Variants in SGCZ observed in about 807,000 individuals in gnomAD.
The protein encoded by SGCZ is zeta-sarcoglycan.
SGCZ carries 40 observed loss-of-function variants against 41.3 expected under a neutral mutation model. That is an observed-to-expected ratio of 0.97 (90% CI 0.75 to 1.26). The LOEUF (loss-of-function observed/expected upper bound fraction) is 1.26, where lower values mean the gene tolerates loss of function less well. Ranked by LOEUF, SGCZ falls within the 50% of genes most tolerant of loss-of-function variation. SGCZ has a pLI of 0.00. For synonymous variants in SGCZ, 206 were observed against 137.5 expected (o/e 1.50, Z -3.49); for missense variants, 552 against 369.8 (o/e 1.49, Z -4.04).
intron 1 of SGCZ, among the ~76,000 whole-genome samples, chr8:14,911,197 A>G (rs1799272037): frequency 6.6e-6 from 1 of 152,024 alleles, no homozygotes; most frequent in Admixed American, 6.6e-5. Context: ...GCTGTAATTC[A>G]AATTGTCAAA....
At chr8:14,625,009 G>A (rs2117380822) in intron 1 of SGCZ, among the ~76,000 whole-genome samples, 1 of 152,090 alleles carries the variant, frequency 6.6e-6, no homozygotes, top group East Asian at 1.9e-4. Flanking sequence ...ATAATCTTCT[G>A]TTAGTCATTT....
At chr8:14,385,928 T>C (rs1004943308) in intron 2 of SGCZ, among the ~76,000 whole-genome samples, 2 of 152,170 alleles carry the variant, frequency 1.3e-5, no homozygotes, top group African/African-American at 2.4e-5. Flanking sequence ...CCTACACATA[T>C]CCTCTCCTAT....
intron 1 of SGCZ, among the ~76,000 whole-genome samples, chr8:14,608,254 T>C (rs1409587499): frequency 1.8e-5 from 2 of 111,072 alleles, no homozygotes; most frequent in Admixed American, 9.5e-5. Flanking sequence ...AGTGCTTTAT[T>C]TGAGGCTTTT....
chr8:14,794,552 A>G lies in SGCZ; in HGVS notation c.40-239626T>C, dbSNP rs80219075. Among the ~76,000 whole-genome samples, 77 of 152,318 alleles carry G rather than the reference A, an allele frequency of 5.1e-4. No individual in the cohort carries two copies. In the East Asian group the frequency reaches 0.014, roughly 27 times the overall value. On this transcript the variant is annotated intron_variant, in intron 1 of 7. Coordinates refer to ENST00000382080, the MANE Select transcript of SGCZ (RefSeq NM_139167.4). Reference sequence around the variant, plus strand: ...AATATATGAGAAAAGACTGTACAAAATAAGAGAACCAGCTCAGGAAGTGCA... The same window carrying G: ...AATATATGAGAAAAGACTGTACAAAGTAAGAGAACCAGCTCAGGAAGTGCA...
chr8:14,776,430 TA>T (rs1361225931), intron 1 of SGCZ, among the ~76,000 whole-genome samples: 1 of 152,158 alleles, frequency 6.6e-6, no homozygotes, highest in Admixed American at 6.5e-5. Context: ...CTGAGTCCAT[TA>T]AACCTGTTTC....
At chr8:14,238,989 AT>A (rs1806870018) in intron 3 of SGCZ, among the ~76,000 whole-genome samples, 1 of 151,794 alleles carries the variant, frequency 6.6e-6, no homozygotes, top group Non-Finnish European at 1.5e-5. Context: ...AAAAATTCAT[AT>A]AAAATTTTTA....
intron 4 of SGCZ, among the ~76,000 whole-genome samples, chr8:14,188,925 G>A (rs1254575070): frequency 6.7e-6 from 1 of 149,174 alleles, no homozygotes; most frequent in African/African-American, 2.5e-5. Flanking sequence ...TCCATCACCC[G>A]GGTTCGAGCA....
At chr8:15,082,879 C>G (rs757263794) in intron 1 of SGCZ, among the ~76,000 whole-genome samples, 25 of 152,246 alleles carry the variant, frequency 1.6e-4, no homozygotes, top group Middle Eastern at 3.4e-3. Flanking sequence ...ACTTCGAAGA[C>G]TGTTTACGTA....
intron 5 of SGCZ, among the ~76,000 whole-genome samples, chr8:14,123,871 T>G (rs1802773480): frequency 6.6e-6 from 1 of 152,120 alleles, no homozygotes; most frequent in African/African-American, 2.4e-5. Context: ...AGGATTATCC[T>G]GCATTATCTA....
chr8:14,847,202 C>T (rs1013021516), intron 1 of SGCZ, among the ~76,000 whole-genome samples: 2 of 143,566 alleles, frequency 1.4e-5, no homozygotes, highest in African/African-American at 5.1e-5. Flanking sequence ...AATACCAATT[C>T]TACAAAAACT....
intron 3 of SGCZ, among the ~76,000 whole-genome samples, chr8:14,322,438 A>G (rs1024131236): frequency 1.3e-5 from 2 of 152,108 alleles, no homozygotes; most frequent in African/African-American, 4.8e-5. Context: ...CGTTAATGCT[A>G]TAATGTTAGT....
intron 2 of SGCZ, among the ~76,000 whole-genome samples, chr8:14,418,001 A>G (rs1279478383): frequency 6.6e-6 from 1 of 151,786 alleles, no homozygotes; most frequent in East Asian, 1.9e-4. Flanking sequence ...CTGATAATGT[A>G]CAAAAGGAGT....
intron 1 of SGCZ, among the ~76,000 whole-genome samples, chr8:15,020,145 GA>G (rs1228029220): frequency 6.6e-6 from 1 of 152,148 alleles, no homozygotes; most frequent in East Asian, 1.9e-4. Flanking sequence ...ACAAACTGAA[GA>G]TCTGAGGAGA....
intron 1 of SGCZ, among the ~76,000 whole-genome samples, chr8:14,794,369 G>A (rs1801055583): frequency 6.6e-6 from 1 of 151,928 alleles, no homozygotes; most frequent in African/African-American, 2.4e-5. Context: ...TATACTGCAG[G>A]ATTATATAAA....
At chr8:14,277,854 T>C (rs564976790) in intron 3 of SGCZ, among the ~76,000 whole-genome samples, 1 of 151,808 alleles carries the variant, frequency 6.6e-6, no homozygotes, top group African/African-American at 2.4e-5. Context: ...ATCCCCCCTT[T>C]AGGAATGTAA....
At chr8:14,221,671 C>G (rs1806199059) in intron 4 of SGCZ, among the ~76,000 whole-genome samples, 1 of 152,012 alleles carries the variant, frequency 6.6e-6, no homozygotes, top group Admixed American at 6.5e-5. Context: ...TGTGGTGGCT[C>G]ATGCCTGGAA....
Position 14,204,450 on chromosome 8 carries a change from T to C in SGCZ, c.424+33142A>G, listed in dbSNP as rs376161165. 7.9e-5 allele frequency among the ~76,000 whole-genome samples: 12 copies of C among 152,202 alleles called. No homozygotes were observed. The South Asian group carries it at 2.1e-3, about 26-fold the overall frequency. On this transcript the variant is annotated intron_variant, in intron 4 of 7. Transcript: ENST00000382080. ...GTGAATGTGAGTCCTTCCTAAGTCT[T>C]CCAAAACCATTGTTGACCTGCCTTG...
chr8:14,144,611 G>T (rs1803467398), intron 5 of SGCZ, among the ~76,000 whole-genome samples: 1 of 152,170 alleles, frequency 6.6e-6, no homozygotes, highest in Non-Finnish European at 1.5e-5. Context: ...AAAAGTAAAA[G>T]GAAGACCAAG....
intron 1 of SGCZ, among the ~76,000 whole-genome samples, chr8:15,041,678 A>G (rs1255440135): frequency 6.6e-6 from 1 of 152,146 alleles, no homozygotes; most frequent in Non-Finnish European, 1.5e-5. Flanking sequence ...AATCATTTTT[A>G]TTACAGAATC....
Sources: allele counts gnomAD v4.1 joint callset (sites outside exome capture counted in the v4.1 genomes callset), GRCh38; gene constraint gnomAD v4.1.1; transcripts MANE v1.5; gene names NCBI Gene and HGNC (gene_info 2026-07-23, HGNC 2026-07-21).